KCNT2: variants seen among roughly 807,000 people sequenced by gnomAD.
KCNT2 encodes potassium sodium-activated channel subfamily T member 2, also known as potassium channel subfamily T member 2.
Under a neutral mutation model 153.8 loss-of-function variants are expected in KCNT2, and 67 were observed. The ratio of observed to expected loss-of-function variants is 0.44; its 90% CI spans 0.36 to 0.53. KCNT2 has a LOEUF of 0.53. KCNT2 is among the 20% of genes least tolerant of loss of function. The pLI is 0.00. For synonymous variants in KCNT2, 500 were observed against 458.8 expected (o/e 1.09, Z -1.15); for missense variants, 975 against 1,354.8 (o/e 0.72, Z 4.40).
chr1:196,453,205 G>A (rs1676371236), intron 8 of KCNT2, among the ~76,000 whole-genome samples: 1 of 151,740 alleles, frequency 6.6e-6, no homozygotes, highest in Non-Finnish European at 1.5e-5. Context: ...CAGAAGGCAC[G>A]CCAGAGACTG....
intron 26 of KCNT2, among the ~76,000 whole-genome samples, chr1:196,253,575 A>T (rs868807241): frequency 6.6e-6 from 1 of 151,424 alleles, no homozygotes; most frequent in South Asian, 2.1e-4. Flanking sequence ...CTAGTCCTTG[A>T]TTTATAAAGG....
chr1:196,416,832 A>G (rs904799934), intron 12 of KCNT2, among the ~76,000 whole-genome samples: 1 of 152,070 alleles, frequency 6.6e-6, no homozygotes, highest in Non-Finnish European at 1.5e-5. Flanking sequence ...TATTGACTAT[A>G]GTCACTCTGT....
chr1:196,286,754 T>C (rs894869424), intron 22 of KCNT2, among the ~76,000 whole-genome samples: 1 of 152,192 alleles, frequency 6.6e-6, no homozygotes, highest in South Asian at 2.1e-4. Context: ...AATTTTTTTT[T>C]CCTTTAATAA....
intron 1 of KCNT2, among the ~76,000 whole-genome samples, chr1:196,529,731 C>T (rs1654697818): frequency 6.6e-6 from 1 of 152,076 alleles, no homozygotes; most frequent in African/African-American, 2.4e-5. Flanking sequence ...TACTGGTTAA[C>T]ATGATTATTT....
chr1:196,262,985 C>G (rs1657164578), intron 25 of KCNT2, among the ~76,000 whole-genome samples: 1 of 151,954 alleles, frequency 6.6e-6, no homozygotes, highest in Non-Finnish European at 1.5e-5. Context: ...AGTATTTAAA[C>G]TCTAAAGCAA....
intron 6 of KCNT2, among the ~76,000 whole-genome samples, chr1:196,468,365 C>G (rs1677790904): frequency 1.3e-5 from 2 of 151,996 alleles, no homozygotes; most frequent in African/African-American, 4.8e-5. Flanking sequence ...AAATAAAATT[C>G]AAATGAAGTA....
chr1:196,375,859 T>TTCA (rs1668920911), intron 13 of KCNT2, among the ~76,000 whole-genome samples: 2 of 151,842 alleles, frequency 1.3e-5, no homozygotes, highest in Admixed American at 1.3e-4. Context: ...CAGTACTCTT[T>TTCA]TCATTAAGAA....
At chr1:196,289,834 TA>T (rs1660022719) in intron 22 of KCNT2, among the ~76,000 whole-genome samples, 1 of 152,124 alleles carries the variant, frequency 6.6e-6, no homozygotes, top group South Asian at 2.1e-4. Context: ...TTACTGATGA[TA>T]TTTTTTTCCT....
chr1:196,464,294 A>T (rs1434426287), intron 8 of KCNT2, among the ~76,000 whole-genome samples: 2 of 151,876 alleles, frequency 1.3e-5, no homozygotes, highest in African/African-American at 2.4e-5. Context: ...GGCTATATCG[A>T]TCTTAGAGGT....
chr1:196,249,740 A>G (rs1571792335), intron 26 of KCNT2, among the ~76,000 whole-genome samples: 1 of 151,698 alleles, frequency 6.6e-6, no homozygotes, highest in African/African-American at 2.4e-5. Flanking sequence ...ATGCCACTGC[A>G]CTCCAGCCTG....
At chr1:196,445,040 GC>G (rs1675567351) in intron 8 of KCNT2, among the ~76,000 whole-genome samples, 1 of 151,008 alleles carries the variant, frequency 6.6e-6, no homozygotes, top group Non-Finnish European at 1.5e-5. Context: ...TTTTCTTTTT[GC>G]TTAAATTTAT....
In KCNT2 at chr1:196,227,781, G is replaced by A. The variant is rs764903977; in HGVS notation, c.*443C>T. On this transcript the variant is annotated 3_prime_UTR_variant, in exon 28 of 28. Transcript: ENST00000294725. Reference sequence around the variant, plus strand: ...CTATGTGAGAAGACTAGACATTTACGATGAGCTCAATTTTGTAAAACAGTA... The same window carrying A: ...CTATGTGAGAAGACTAGACATTTACAATGAGCTCAATTTTGTAAAACAGTA... 1 of 152,850 alleles carries A rather than the reference G, an allele frequency of 6.5e-6. No homozygotes were observed. The highest frequency in any genetic ancestry group is 1.5e-5 in the Non-Finnish European group (1 of 68,218). 9.5% of individuals were successfully genotyped at this position (152,850 alleles called of 1,614,324 possible).
At chr1:196,242,196 C>T (rs1040577352) in intron 26 of KCNT2, among the ~76,000 whole-genome samples, 6 of 151,984 alleles carry the variant, frequency 3.9e-5, no homozygotes, top group Non-Finnish European at 7.4e-5. Flanking sequence ...TACAGATTGT[C>T]TTCATAGTAA....
chr1:196,422,774 A>G (rs528648142), intron 12 of KCNT2, among the ~76,000 whole-genome samples: 37 of 152,058 alleles, frequency 2.4e-4, no homozygotes, highest in Admixed American at 2.2e-3. Flanking sequence ...CATAAGACAT[A>G]CTTAATAAAA....
chr1:196,504,533 T>G (rs974654392), intron 1 of KCNT2, among the ~76,000 whole-genome samples: 1 of 152,140 alleles, frequency 6.6e-6, no homozygotes, highest in Non-Finnish European at 1.5e-5. Flanking sequence ...TGAATAGTGC[T>G]GCAATAAACA....
At chr1:196,299,091 G>A (rs1660940849) in intron 22 of KCNT2, among the ~76,000 whole-genome samples, 1 of 151,838 alleles carries the variant, frequency 6.6e-6, no homozygotes, top group Admixed American at 6.6e-5. Flanking sequence ...ATTAATAAAA[G>A]GCTTTGTGAA....
intron 10 of KCNT2, among the ~76,000 whole-genome samples, chr1:196,426,341 CAG>C (rs1263050127): frequency 6.6e-6 from 1 of 151,946 alleles, no homozygotes; most frequent in Non-Finnish European, 1.5e-5. Flanking sequence ...GAACACCAGG[CAG>C]AAGCATTTAA....
intron 14 of KCNT2, among the ~76,000 whole-genome samples, chr1:196,368,886 C>T (rs905606229): frequency 1.3e-5 from 2 of 152,064 alleles, no homozygotes; most frequent in Non-Finnish European, 2.9e-5. Context: ...CAAATACATC[C>T]AATATCAAAC....
At chr1:196,567,700 G>A (rs1660276191) in intron 1 of KCNT2, among the ~76,000 whole-genome samples, 1 of 152,194 alleles carries the variant, frequency 6.6e-6, no homozygotes, top group African/African-American at 2.4e-5. Context: ...AAAGTTAGAT[G>A]TTCTGTGGAG....
Sources: allele counts gnomAD v4.1 joint callset (sites outside exome capture counted in the v4.1 genomes callset), GRCh38; gene constraint gnomAD v4.1.1; transcripts MANE v1.5; gene names NCBI Gene and HGNC (gene_info 2026-07-23, HGNC 2026-07-21).